The following RBM47 variants were observed in gnomAD, a reference collection of about 807,000 sequenced individuals.
RBM47 encodes the protein RNA-binding protein 47.
In RBM47, 21 loss-of-function variants were observed where a neutral mutation model predicts 47.1. The observed-to-expected ratio is 0.45, with a 90% CI of 0.32 to 0.64. RBM47 has a LOEUF of 0.64. Ranked by LOEUF, RBM47 falls within the 30% of genes least tolerant of loss-of-function variation. RBM47 has a pLI of 0.05. For synonymous variants in RBM47, 375 were observed against 361.7 expected, an observed-to-expected ratio of 1.04 and a Z score of -0.42; for missense variants, 708 against 870.9, an observed-to-expected ratio of 0.81 and a Z score of 2.35.
At chr4:40,526,107 C>A (rs992967668) in intron 2 of RBM47, among the ~76,000 whole-genome samples, 1 of 152,192 alleles carries the variant, frequency 6.6e-6, no homozygotes, top group South Asian at 2.1e-4. Context: ...CTTCAGAATT[C>A]ATTCTTGTGA....
At chr4:40,571,129 T>A (rs1731661471) in intron 1 of RBM47, among the ~76,000 whole-genome samples, 1 of 151,910 alleles carries the variant, frequency 6.6e-6, no homozygotes, top group African/African-American at 2.4e-5. Context: ...GGCAGGAGAA[T>A]CATTTGAACC....
chr4:40,566,407 G>A (rs1335074231), intron 1 of RBM47, among the ~76,000 whole-genome samples: 1 of 152,166 alleles, frequency 6.6e-6, no homozygotes, highest in Non-Finnish European at 1.5e-5. Context: ...AGCACTTTGG[G>A]AGGCTGAGGT....
chr4:40,559,265 T>C (rs970124286), intron 1 of RBM47, among the ~76,000 whole-genome samples: 15 of 152,092 alleles, frequency 9.9e-5, no homozygotes, highest in African/African-American at 3.6e-4. Flanking sequence ...GAGAGCCTAA[T>C]AAATATTTTT....
At chr4:40,616,687 G>A (rs994563640) in intron 1 of RBM47, among the ~76,000 whole-genome samples, 24 of 152,040 alleles carry the variant, frequency 1.6e-4, no homozygotes, top group African/African-American at 4.6e-4. Context: ...CACATAATAT[G>A]CAGAAGAAAC....
At position 40,425,686 on chromosome 4, in the gene RBM47, A is replaced by G. The variant is rs561766327; in HGVS notation, c.*218T>C. Reference sequence around the variant, plus strand: ...ATGGAATGAAGGCACGAACCATTGCAAGTCTTTTGGAAATGTATGAACGTA... The same window carrying G: ...ATGGAATGAAGGCACGAACCATTGCGAGTCTTTTGGAAATGTATGAACGTA... On this transcript the variant is annotated 3_prime_UTR_variant, in exon 7 of 7. Coordinates refer to ENST00000295971, the MANE Select transcript of RBM47 (RefSeq NM_001098634.2). 1.7e-6 allele frequency: 1 copy of G among 594,206 alleles called. No individual in the cohort carries two copies. The allele number at this position is 594,206 out of a possible 1,614,324, so 36.8% of individuals were successfully genotyped here.
chr4:40,607,063 T>C (rs1735828187), intron 1 of RBM47, among the ~76,000 whole-genome samples: 1 of 152,190 alleles, frequency 6.6e-6, no homozygotes, highest in Non-Finnish European at 1.5e-5. Context: ...TTCTACGCTG[T>C]GCAAAAATCT....
intron 1 of RBM47, among the ~76,000 whole-genome samples, chr4:40,575,569 C>A (rs1433387402): frequency 7.1e-4 from 72 of 101,176 alleles, no homozygotes; most frequent in Admixed American, 9.3e-4. Context: ...AAAAAAAAAA[C>A]TACCAAGGAA....
intron 4 of RBM47, 133 bp downstream of exon 4, chr4:40,437,637 CA>C: frequency 1.1e-6 from 1 of 897,738 alleles, no homozygotes; most frequent in Non-Finnish European, 1.7e-6. Context: ...ACCCAGAATG[CA>C]AACCCAAAAC....
chr4:40,426,528 C>T (rs1240129450), intron 6 of RBM47, among the ~76,000 whole-genome samples: 1 of 152,144 alleles, frequency 6.6e-6, no homozygotes, highest in Non-Finnish European at 1.5e-5. Flanking sequence ...GCACATCCTC[C>T]TGTATACTGT....
At chr4:40,449,429 T>C (rs1715064144) in intron 3 of RBM47, among the ~76,000 whole-genome samples, 1 of 152,228 alleles carries the variant, frequency 6.6e-6, no homozygotes, top group African/African-American at 2.4e-5. Flanking sequence ...ATTGTACAGA[T>C]TTTGTTATGT....
At chr4:40,487,687 A>G (rs1453270229) in intron 2 of RBM47, among the ~76,000 whole-genome samples, 2 of 152,208 alleles carry the variant, frequency 1.3e-5, no homozygotes, top group African/African-American at 4.8e-5. Context: ...AAGCATAGCT[A>G]CACAAAGAAT....
chr4:40,534,480 T>G (rs1479177264), intron 2 of RBM47, among the ~76,000 whole-genome samples: 1 of 152,134 alleles, frequency 6.6e-6, no homozygotes, highest in Non-Finnish European at 1.5e-5. Flanking sequence ...TTACACTCCG[T>G]ATAGCTAAAA....
Position 40,604,012 on chromosome 4 carries a change from A to G in RBM47, c.-240+25384T>C, listed in dbSNP as rs145839815. On this transcript the variant is annotated intron_variant, in intron 1 of 6. Transcript: ENST00000295971. ...AACCACACCCAGCATAGTGAAAAAC[A>G]GCACTGATCATGTTCATTTCAAAAC... 2.9e-3 allele frequency among the ~76,000 whole-genome samples: 437 copies of G among 152,352 alleles called. 1 individual carries two copies. Among genetic ancestry groups the G allele is most frequent in the African/African-American group, 0.01 (422 of 41,584 alleles).
At chr4:40,607,050 C>G (rs1735827210) in intron 1 of RBM47, among the ~76,000 whole-genome samples, 1 of 152,188 alleles carries the variant, frequency 6.6e-6, no homozygotes, top group Non-Finnish European at 1.5e-5. Flanking sequence ...ATCACAACAT[C>G]TCTTCTACGC....
intron 2 of RBM47, among the ~76,000 whole-genome samples, chr4:40,527,807 C>G (rs1726899120): frequency 6.6e-6 from 1 of 151,606 alleles, no homozygotes; most frequent in Non-Finnish European, 1.5e-5. Flanking sequence ...GTGAATACTC[C>G]ATATGTACCA....
chr4:40,445,162 C>T (rs10026969), intron 3 of RBM47, among the ~76,000 whole-genome samples: 82,936 of 151,346 alleles, frequency 0.55, 23,023 homozygotes, highest in South Asian at 0.7. Flanking sequence ...TAGTCCCAGC[C>T]ACAGGGGAGG....
intron 2 of RBM47, among the ~76,000 whole-genome samples, chr4:40,481,313 C>A (rs1377045474): frequency 6.8e-6 from 1 of 146,734 alleles, no homozygotes; most frequent in East Asian, 2.0e-4. Context: ...CACTCTGTCA[C>A]CCAGGCTGGA....
At chr4:40,573,541 G>A (rs1278758639) in intron 1 of RBM47, among the ~76,000 whole-genome samples, 4 of 151,652 alleles carry the variant, frequency 2.6e-5, no homozygotes, top group African/African-American at 7.3e-5. Flanking sequence ...TCAAGAGTTC[G>A]AGACCAGCCT....
intron 1 of RBM47, among the ~76,000 whole-genome samples, chr4:40,572,880 G>T (rs959477138): frequency 6.6e-6 from 1 of 151,788 alleles, no homozygotes; most frequent in African/African-American, 2.4e-5. Flanking sequence ...GGCCGGATGC[G>T]GTAACTCACA....
Sources: allele counts gnomAD v4.1 joint callset (sites outside exome capture counted in the v4.1 genomes callset), GRCh38; gene constraint gnomAD v4.1.1; transcripts MANE v1.5; gene names NCBI Gene and HGNC (gene_info 2026-07-23, HGNC 2026-07-21).